Variants in STXBP6 observed in about 807,000 individuals in gnomAD.
The protein encoded by STXBP6 is syntaxin binding protein 6.
STXBP6 carries 21 observed loss-of-function variants against 26.9 expected under a neutral mutation model. The ratio of observed to expected loss-of-function variants is 0.78; its 90% CI spans 0.55 to 1.12. STXBP6 has a LOEUF of 1.12. STXBP6 is among the 50% of genes most tolerant of loss of function. The pLI is 0.00. For missense variants in STXBP6, 232 were observed against 257.9 expected (o/e 0.90, Z 0.69); for synonymous variants, 97 against 92.6 (o/e 1.05, Z -0.27).
chr14:24,928,688 C>T (rs552601229), intron 2 of STXBP6, among the ~76,000 whole-genome samples: 1 of 152,108 alleles, frequency 6.6e-6, no homozygotes, highest in African/African-American at 2.4e-5. Flanking sequence ...CAAAAACATG[C>T]AATCACCAGC....
At chr14:24,994,519 C>A (rs1053583116) in intron 1 of STXBP6, among the ~76,000 whole-genome samples, 2 of 152,210 alleles carry the variant, frequency 1.3e-5, no homozygotes, top group African/African-American at 2.4e-5. Context: ...ACCATCTCTG[C>A]TCCTCCAGTT....
intron 4 of STXBP6, among the ~76,000 whole-genome samples, chr14:24,853,698 T>C (rs1250143807): frequency 1.3e-5 from 2 of 152,096 alleles, no homozygotes; most frequent in Non-Finnish European, 2.9e-5. Flanking sequence ...TTCTGGCATT[T>C]GGTTTTATTA....
At chr14:24,911,859 A>C (rs1240252477) in intron 2 of STXBP6, among the ~76,000 whole-genome samples, 1 of 152,108 alleles carries the variant, frequency 6.6e-6, no homozygotes, top group Non-Finnish European at 1.5e-5. Context: ...ATGTTTACAA[A>C]CCCTTTTTTA....
At chr14:24,956,225 T>C (rs781465703) in intron 2 of STXBP6, among the ~76,000 whole-genome samples, 1 of 151,870 alleles carries the variant, frequency 6.6e-6, no homozygotes, top group Non-Finnish European at 1.5e-5. Context: ...GGAGTTACAC[T>C]GAAAAGAAGA....
At chr14:24,845,730 GGTAAGAGGGAC>G (rs1174696065) in intron 4 of STXBP6, among the ~76,000 whole-genome samples, 3 of 152,172 alleles carry the variant, frequency 2.0e-5, no homozygotes, top group African/African-American at 7.2e-5. Context: ...AGCTGTGCAT[GGTAAGAGGGAC>G]TTTGCAGATA....
chr14:25,000,798 C>A lies in STXBP6; in HGVS notation c.-32-25948G>T, dbSNP rs564755699. 2.7e-5 allele frequency among the ~76,000 whole-genome samples: 4 copies of A among 150,924 alleles called. No homozygotes were observed. The East Asian group carries it at 8.0e-4, about 30-fold the overall frequency. ...GGAAGGAATGCATGATCAGAGAGGCCAAGAAGAATCCAGACAGCCAGGCCT... is the reference window on the plus strand; with the variant it reads ...GGAAGGAATGCATGATCAGAGAGGCAAAGAAGAATCCAGACAGCCAGGCCT... On this transcript the variant is annotated intron_variant, in intron 1 of 5. Coordinates refer to ENST00000323944, the MANE Select transcript of STXBP6 (RefSeq NM_001394410.1).
chr14:25,011,027 T>TTGGATATTGAGAC, intron 1 of STXBP6, among the ~76,000 whole-genome samples: 1 of 152,176 alleles, frequency 6.6e-6, no homozygotes, highest in African/African-American at 2.4e-5. Flanking sequence ...ATTACTTAAA[T>TTGGATATTGAGAC]CAGATATTGA....
intron 1 of STXBP6, among the ~76,000 whole-genome samples, chr14:24,991,762 GA>G: frequency 6.6e-6 from 1 of 152,346 alleles, no homozygotes; most frequent in East Asian, 1.9e-4. Context: ...TTTGGTGACA[GA>G]TAAGTACATC....
intron 2 of STXBP6, among the ~76,000 whole-genome samples, chr14:24,967,359 A>G (rs2073768082): frequency 6.6e-6 from 1 of 152,230 alleles, no homozygotes; most frequent in African/African-American, 2.4e-5. Context: ...TGATGGGTGC[A>G]TGGCAGGTGC....
chr14:24,933,199 G>T (rs772628883), intron 2 of STXBP6, among the ~76,000 whole-genome samples: 2 of 152,162 alleles, frequency 1.3e-5, no homozygotes, highest in Non-Finnish European at 2.9e-5. Context: ...AAAATTAGCT[G>T]GGTGCAGTGG....
chr14:24,826,694 T>C (rs965383), intron 4 of STXBP6, among the ~76,000 whole-genome samples: 30,039 of 152,098 alleles, frequency 0.2, 3,640 homozygotes, highest in Admixed American at 0.36. Context: ...GGCCGCTCTT[T>C]CTGTTGGCTT....
intron 1 of STXBP6, among the ~76,000 whole-genome samples, chr14:25,033,838 T>C (rs939999426): frequency 5.3e-5 from 8 of 152,156 alleles, no homozygotes; most frequent in African/African-American, 1.9e-4. Context: ...ACCATGAAAA[T>C]CGGTTACACA....
intron 2 of STXBP6, among the ~76,000 whole-genome samples, chr14:24,956,857 T>C (rs2073361063): frequency 6.6e-6 from 1 of 152,206 alleles, no homozygotes; most frequent in Admixed American, 6.5e-5. Context: ...CAACAGGTAA[T>C]GCAGACACAA....
At chr14:24,933,649 T>C (rs1213215272) in intron 2 of STXBP6, among the ~76,000 whole-genome samples, 2 of 152,168 alleles carry the variant, frequency 1.3e-5, no homozygotes, top group East Asian at 1.9e-4. Context: ...TGAGATTATC[T>C]TGTGAATTTA....
At chr14:24,823,644 C>A (rs1293798575) in intron 4 of STXBP6, among the ~76,000 whole-genome samples, 1 of 152,118 alleles carries the variant, frequency 6.6e-6, no homozygotes, top group Non-Finnish European at 1.5e-5. Context: ...AGTGCTGAGT[C>A]AATGTGCTTA....
At chr14:24,886,927 C>T (rs1338924185) in intron 2 of STXBP6, among the ~76,000 whole-genome samples, 3 of 152,158 alleles carry the variant, frequency 2.0e-5, no homozygotes, top group Non-Finnish European at 4.4e-5. Context: ...TGAGCTATGC[C>T]TTCTACTTTC....
chr14:24,943,073 G>GC (rs1483042463), intron 2 of STXBP6, among the ~76,000 whole-genome samples: 1 of 152,218 alleles, frequency 6.6e-6, no homozygotes, highest in African/African-American at 2.4e-5. Flanking sequence ...TTAGCATCTT[G>GC]CCCAATATTC....
intron 2 of STXBP6, among the ~76,000 whole-genome samples, chr14:24,863,506 A>G (rs2069616220): frequency 6.6e-6 from 1 of 152,168 alleles, no homozygotes; most frequent in Non-Finnish European, 1.5e-5. Context: ...TTCTTACTAG[A>G]AAAGAGGAGT....
chr14:24,941,016 G>GAAAAC (rs1344168590), intron 2 of STXBP6, among the ~76,000 whole-genome samples: 4 of 152,084 alleles, frequency 2.6e-5, no homozygotes, highest in East Asian at 1.9e-4. Context: ...CTCTATCTTG[G>GAAAAC]AAAACAAAAC....
Sources: allele counts gnomAD v4.1 joint callset (sites outside exome capture counted in the v4.1 genomes callset), GRCh38; gene constraint gnomAD v4.1.1; transcripts MANE v1.5; gene names NCBI Gene and HGNC (gene_info 2026-07-23, HGNC 2026-07-21).